CACNA1C: variants seen among roughly 807,000 people sequenced by gnomAD.
CACNA1C encodes the protein voltage-dependent L-type calcium channel subunit alpha-1C.
CACNA1C carries 30 observed loss-of-function variants against 229.0 expected under a neutral mutation model. That is an observed-to-expected ratio of 0.13 (90% CI 0.10 to 0.18). CACNA1C has a LOEUF of 0.18. CACNA1C is among the 10% of genes least tolerant of loss of function. CACNA1C has a pLI of 1.00. For missense variants in CACNA1C, 1,658 were observed against 2,845.0 expected, an observed-to-expected ratio of 0.58 and a Z score of 9.49; for synonymous variants, 1,114 against 1,132.5, an observed-to-expected ratio of 0.98 and a Z score of 0.33.
chr12:2,412,030 C>A (rs922646220), intron 3 of CACNA1C, among the ~76,000 whole-genome samples: 2 of 152,036 alleles, frequency 1.3e-5, no homozygotes, highest in African/African-American at 2.4e-5. Context: ...TAGGCCCTGG[C>A]TCCCCACGCC....
chr12:2,109,349 A>G (rs1033180495), intron 1 of CACNA1C, among the ~76,000 whole-genome samples: 2 of 152,172 alleles, frequency 1.3e-5, no homozygotes, highest in African/African-American at 4.8e-5. Context: ...TGGGGGCTTG[A>G]AGAAGGGATC....
intron 3 of CACNA1C, among the ~76,000 whole-genome samples, chr12:2,177,532 C>T (rs922563993): frequency 4.8e-5 from 7 of 146,526 alleles, no homozygotes; most frequent in Admixed American, 1.4e-4. Flanking sequence ...TTCCTCTCCT[C>T]TCCCTTCCCT....
Position 2,611,313 on chromosome 12 carries a change from G to A in CACNA1C, c.3718-590G>A, listed in dbSNP as rs567386237. 2.1e-5 allele frequency among the ~76,000 whole-genome samples: 3 copies of A among 140,342 alleles called. No homozygotes were observed. In the South Asian group the frequency reaches 7.4e-4, roughly 34 times the overall value. The allele number at this position is 140,342 out of a possible 152,430, so 92.1% of individuals were successfully genotyped here. A position where few individuals can be genotyped will look rare whatever the true frequency, so the allele number is the denominator to read the frequency against. On this transcript the variant is annotated intron_variant, in intron 28 of 46. Transcript: ENST00000399655. ...GATCAATGGAGAGAGGGGAGGAGAT[G>A]GAGAACGGAGGGATGAGCTGGATGT...
intron 3 of CACNA1C, among the ~76,000 whole-genome samples, chr12:2,224,472 T>C (rs1108073): frequency 0.41 from 62,083 of 152,110 alleles, 13,517 homozygotes; most frequent in African/African-American, 0.53. Context: ...GACTCCCTTG[T>C]ACATGAGCTC....
chr12:2,480,391 G>A (rs367976353), intron 5 of CACNA1C, among the ~76,000 whole-genome samples: 5 of 152,170 alleles, frequency 3.3e-5, no homozygotes, highest in African/African-American at 1.2e-4. Flanking sequence ...GAGGACCCTC[G>A]TGGTACCCTA....
At chr12:2,511,076 G>T (rs2099782730) in intron 8 of CACNA1C, among the ~76,000 whole-genome samples, 1 of 152,152 alleles carries the variant, frequency 6.6e-6, no homozygotes, top group African/African-American at 2.4e-5. Context: ...GGTACCCACT[G>T]GTTGGCAGGA....
At chr12:2,302,747 C>T (rs942301903) in intron 3 of CACNA1C, among the ~76,000 whole-genome samples, 1 of 152,226 alleles carries the variant, frequency 6.6e-6, no homozygotes, top group Non-Finnish European at 1.5e-5. Flanking sequence ...TTGACTCTTA[C>T]ATAACATTCA....
intron 3 of CACNA1C, among the ~76,000 whole-genome samples, chr12:2,429,574 C>G (rs1404515883): frequency 6.6e-6 from 1 of 152,168 alleles, no homozygotes; most frequent in African/African-American, 2.4e-5. Context: ...TTCCTCCCTC[C>G]CAGGGTTCAG....
At chr12:2,659,678 A>G (rs1443199041) in intron 34 of CACNA1C, among the ~76,000 whole-genome samples, 1 of 152,214 alleles carries the variant, frequency 6.6e-6, no homozygotes, top group Non-Finnish European at 1.5e-5. Context: ...AAATAATCCC[A>G]GAATATGAAG....
intron 13 of CACNA1C, among the ~76,000 whole-genome samples, chr12:2,571,065 T>C (rs964464977): frequency 5.3e-5 from 8 of 152,196 alleles, no homozygotes; most frequent in African/African-American, 1.4e-4. Flanking sequence ...CTACGAATGT[T>C]AGCTTGAGTG....
At chr12:2,517,862 C>A (rs1406790963) in intron 9 of CACNA1C, among the ~76,000 whole-genome samples, 1 of 152,190 alleles carries the variant, frequency 6.6e-6, no homozygotes, top group Non-Finnish European at 1.5e-5. Context: ...TTTTCCTCTT[C>A]AAGATGAAAA....
intron 1 of CACNA1C, among the ~76,000 whole-genome samples, chr12:2,069,655 A>T (rs931706998): frequency 1.3e-5 from 2 of 152,210 alleles, no homozygotes; most frequent in Non-Finnish European, 1.5e-5. Context: ...CCTTCCTACC[A>T]TATGAATCTA....
chr12:2,304,726 G>A (rs953826888), intron 3 of CACNA1C, among the ~76,000 whole-genome samples: 3 of 152,142 alleles, frequency 2.0e-5, no homozygotes, highest in Non-Finnish European at 4.4e-5. Context: ...CACCACACAG[G>A]TAGATCCCTT....
chr12:2,301,597 C>T (rs2094565037), intron 3 of CACNA1C, among the ~76,000 whole-genome samples: 1 of 152,180 alleles, frequency 6.6e-6, no homozygotes, highest in African/African-American at 2.4e-5. Flanking sequence ...CAGAAGAAGT[C>T]CTCTTTAGAG....
intron 5 of CACNA1C, among the ~76,000 whole-genome samples, chr12:2,484,362 G>T (rs1000986446): frequency 3.3e-5 from 5 of 152,198 alleles, no homozygotes; most frequent in Admixed American, 1.3e-4. Flanking sequence ...TCTAAAAGAA[G>T]AGCTGTTTTA....
chr12:2,458,981 C>CTTTTTTTTT (rs71057826), intron 5 of CACNA1C, among the ~76,000 whole-genome samples: 21 of 105,590 alleles, frequency 2.0e-4, no homozygotes, highest in African/African-American at 2.8e-4. Flanking sequence ...CTTTTTCTTT[C>CTTTTTTTTT]TTTTTTTTTT....
intron 3 of CACNA1C, among the ~76,000 whole-genome samples, chr12:2,313,890 A>C (rs2095555356): frequency 6.6e-6 from 1 of 152,180 alleles, no homozygotes; most frequent in African/African-American, 2.4e-5. Context: ...TCCCTGTCTG[A>C]GCAGGAAATA....
intron 1 of CACNA1C, among the ~76,000 whole-genome samples, chr12:2,022,228 A>G (rs2046584832): frequency 6.6e-6 from 1 of 152,172 alleles, no homozygotes; most frequent in Admixed American, 6.5e-5. Flanking sequence ...CCTGTCCAGG[A>G]TTGGATCCTG....
intron 5 of CACNA1C, among the ~76,000 whole-genome samples, chr12:2,463,952 T>C (rs1049104615): frequency 1.3e-5 from 2 of 152,222 alleles, no homozygotes; most frequent in South Asian, 4.1e-4. Flanking sequence ...AGATGAACCA[T>C]AGGGAGAGTT....
Sources: allele counts gnomAD v4.1 joint callset (sites outside exome capture counted in the v4.1 genomes callset), GRCh38; gene constraint gnomAD v4.1.1; transcripts MANE v1.5; gene names NCBI Gene and HGNC (gene_info 2026-07-23, HGNC 2026-07-21).